The following SPINK5 variants were observed in gnomAD, a reference collection of about 807,000 sequenced individuals.
SPINK5 encodes the protein serine peptidase inhibitor Kazal type 5.
Under a neutral mutation model 151.8 loss-of-function variants are expected in SPINK5, and 125 were observed. The ratio of observed to expected loss-of-function variants is 0.82; its 90% CI spans 0.71 to 0.96. SPINK5 has a LOEUF of 0.96. Ranked by LOEUF, SPINK5 falls within the 40% of genes least tolerant of loss-of-function variation. The pLI is 0.00. For missense variants in SPINK5, 1,194 were observed against 1,291.9 expected (o/e 0.92, Z 1.16); for synonymous variants, 374 against 395.3 (o/e 0.95, Z 0.64).
Position 148,131,480 on chromosome 5 carries a change from A to C in SPINK5, c.3095+91A>C, listed in dbSNP as rs757952177. 235 of 1,550,944 alleles carry C rather than the reference A, an allele frequency of 1.5e-4. 1 individual carries two copies. Among genetic ancestry groups the C allele is most frequent in the Admixed American group, 7.9e-4 (47 of 59,700 alleles). On this transcript the variant is annotated intron_variant, in intron 31 of 32. Transcript: ENST00000256084. ...TAGTAATGCACTGATATAAATTCGA[A>C]ATGTGTTGCAAGTAATTTATTCATC...
chr5:148,125,495 G>C, intron 28 of SPINK5: 1 of 1,596,760 alleles, frequency 6.3e-7, no homozygotes, highest in Non-Finnish European at 8.6e-7. Context: ...TCTATCAAGT[G>C]TTGTTTTATG....
chr5:148,112,780 G>T, intron 19 of SPINK5, 88 bp from the exon 20 acceptor site: 1 of 1,582,448 alleles, frequency 6.3e-7, no homozygotes, highest in Admixed American at 1.8e-5. Context: ...TAGAAGTAAT[G>T]GACCATTTTT....
chr5:148,123,726 T>A, intron 26 of SPINK5, 107 bp from the exon 27 acceptor site: 1 of 1,496,318 alleles, frequency 6.7e-7, no homozygotes, highest in South Asian at 1.2e-5. Context: ...ATTTCACTTC[T>A]CTGTTTTTTT....
intron 19 of SPINK5, 46 bp from the exon 20 acceptor site, chr5:148,112,822 G>A (rs750091267): frequency 1.9e-6 from 3 of 1,612,298 alleles, no homozygotes; most frequent in Non-Finnish European, 8.5e-7. Flanking sequence ...AGGGTAGTAT[G>A]TATTGGGTGC....
At chr5:148,095,947 T>G in intron 10 of SPINK5, 42 bp downstream of exon 10, 1 of 1,469,526 alleles carries the variant, frequency 6.8e-7, no homozygotes, top group Non-Finnish European at 9.4e-7. Context: ...CTTGTGTGTG[T>G]GTGGGGGGGT....
At chr5:148,068,738 C>T (rs1752656881) in intron 2 of SPINK5, among the ~76,000 whole-genome samples, 1 of 151,754 alleles carries the variant, frequency 6.6e-6, no homozygotes, top group African/African-American at 2.4e-5. Flanking sequence ...CAACTTGAAG[C>T]AGATTAAAAA....
chr5:148,136,847 G>A, intron 32 of SPINK5, 136 bp from the exon 33 acceptor site: 2 of 1,155,634 alleles, frequency 1.7e-6, no homozygotes, highest in Non-Finnish European at 2.6e-6. Flanking sequence ...ATGTGAAAGT[G>A]ATTTTAAATT....
At chr5:148,066,438 T>G (rs1752588274) in intron 2 of SPINK5, among the ~76,000 whole-genome samples, 1 of 152,128 alleles carries the variant, frequency 6.6e-6, no homozygotes, top group Non-Finnish European at 1.5e-5. Flanking sequence ...ATTAAAGGAA[T>G]AAAAATGTGA....
chr5:148,091,464 A>G (rs1292419005), intron 8 of SPINK5, among the ~76,000 whole-genome samples: 1 of 151,836 alleles, frequency 6.6e-6, no homozygotes, highest in Non-Finnish European at 1.5e-5. Flanking sequence ...GTGTTTCTCC[A>G]GTCCTCTAGC....
chr5:148,094,527 T>C (rs904293610), intron 9 of SPINK5, 46 bp downstream of exon 9: 8 of 1,610,064 alleles, frequency 5.0e-6, no homozygotes, highest in Non-Finnish European at 5.9e-6. Context: ...AGGGTGGGAG[T>C]GGAGATTGAT....
chr5:148,101,295 C>A, intron 13 of SPINK5, 60 bp from the exon 14 acceptor site: 3 of 1,177,272 alleles, frequency 2.5e-6, no homozygotes, highest in South Asian at 1.2e-5. Flanking sequence ...TATTTGAGAT[C>A]ACTTCTAATG....
intron 4 of SPINK5, among the ~76,000 whole-genome samples, chr5:148,079,298 C>T (rs1332802641): frequency 6.6e-6 from 1 of 150,840 alleles, no homozygotes; most frequent in Non-Finnish European, 1.5e-5. Context: ...TAAAAAAATG[C>T]CCAAGAGCAG....
rs1314613036 is a variant in SPINK5, at chr5:148,080,049, G to A, written c.283-6356G>A. Among the ~76,000 whole-genome samples, 5 of 151,140 alleles carry A rather than the reference G, an allele frequency of 3.3e-5. No homozygotes were observed. In the East Asian group the frequency reaches 9.8e-4, roughly 30 times the overall value. ...AGAAAAATTACTAGAACTAATAAAT[G>A]AGTTTAGTAAGATTTCGGTGTGCAA... On this transcript the variant is annotated intron_variant, in intron 4 of 32. Coordinates refer to ENST00000256084, the MANE Select transcript of SPINK5 (RefSeq NM_006846.4).
Position 148,097,978 on chromosome 5 carries a change from A to G in SPINK5, c.994A>G (p.Met332Val). The G allele has an allele frequency of 1.2e-6, 2 of 1,612,010 alleles. No individual in the cohort carries two copies. The highest frequency in any genetic ancestry group is 1.7e-6 in the Non-Finnish European group (2 of 1,178,566). ...GAAAATGCATGGCAACTTGTGTTCC[A>G]TGTGTCAAGCCTACTTGTGAGTATA... ...DGKMHGNLCS[M>V]CQAYFQAENE... The change falls in exon 11 of 33, where the codon ATG (methionine) becomes GTG (valine). Residue 332 changes from methionine to valine, a missense_variant. Transcript: ENST00000256084.
At chr5:148,113,899 G>C (rs534718108) in intron 20 of SPINK5, among the ~76,000 whole-genome samples, 2 of 152,140 alleles carry the variant, frequency 1.3e-5, no homozygotes, top group Admixed American at 1.3e-4. Flanking sequence ...AACTAGTTAG[G>C]GGATCTGGCA....
chr5:148,094,479 T>G lies in SPINK5; in HGVS notation c.792T>G (p.Ile264Met). ...ACAAATGTGCCCTGTGTGCTGAAAT[T>G]TTGTGAGTATAGAAGTGGTTTTTTC... ...HGNKCALCAEIFKQRFSEENS... is the reference protein window; with the variant it reads ...HGNKCALCAEMFKQRFSEENS... The change falls in exon 9 of 33, where the codon ATT becomes ATG. Residue 264 changes from isoleucine (I) to methionine (M), a missense_variant and splice_region_variant. Coordinates refer to ENST00000256084, the MANE Select transcript of SPINK5 (RefSeq NM_006846.4). The G allele has an allele frequency of 6.2e-7, 1 of 1,612,292 alleles. No individual in the cohort carries two copies. Among genetic ancestry groups the G allele is most frequent in the Middle Eastern group, 1.7e-4 (1 of 6,052 alleles).
chr5:148,090,576 ACACCTATCTCCGGAATGAG>A (rs985644925), intron 7 of SPINK5: 2 of 152,022 alleles, frequency 1.3e-5, no homozygotes, highest in African/African-American at 4.8e-5. Flanking sequence ...TGAGATAGCC[ACACCTATCTCCGGAATGAG>A]ACGCTAATCA....
At chr5:148,086,381 G>T (rs140485487) in intron 4 of SPINK5, 24 bp from the exon 5 acceptor site, 3 of 1,607,332 alleles carry the variant, frequency 1.9e-6, no homozygotes, top group African/African-American at 2.7e-5. Flanking sequence ...ACATTTTGAC[G>T]TTCCTTGATC....
At chr5:148,067,805 A>G (rs1752623650) in intron 2 of SPINK5, among the ~76,000 whole-genome samples, 1 of 152,108 alleles carries the variant, frequency 6.6e-6, no homozygotes, top group African/African-American at 2.4e-5. Flanking sequence ...AGTAGAGACA[A>G]GGTCTCATTA....
Sources: gnomAD v4.1 joint callset for allele counts (sites outside exome capture counted in the v4.1 genomes callset) on GRCh38, gnomAD v4.1.1 for gene constraint, MANE v1.5 for transcripts, NCBI Gene and HGNC (gene_info 2026-07-23, HGNC 2026-07-21) for gene names.